Variants in GPC3 observed in about 807,000 individuals in gnomAD.
The protein encoded by GPC3 is glypican 3, also known as glypican-3.
A neutral mutation model predicts 34.4 loss-of-function variants in GPC3; 3 were observed. That is an observed-to-expected ratio of 0.09 (90% CI 0.04 to 0.23). The LOEUF is 0.23. Ranked by LOEUF, GPC3 falls within the 10% of genes least tolerant of loss-of-function variation. GPC3 has a pLI of 1.00. For missense variants in GPC3, 351 were observed against 445.6 expected, an observed-to-expected ratio of 0.79 and a Z score of 1.91; for synonymous variants, 177 against 174.0, an observed-to-expected ratio of 1.02 and a Z score of -0.13.
intron 6 of GPC3, among the ~76,000 whole-genome samples, chrX:133,651,772 T>C (rs1295574071): frequency 2.7e-5 from 3 of 112,093 alleles, no homozygotes; most frequent in Non-Finnish European, 5.6e-5. Flanking sequence ...TGGGCTGATA[T>C]TGATACATTT....
At chrX:133,692,610 T>C in intron 4 of GPC3, 116 bp from the exon 5 acceptor site, 1 of 643,564 alleles carries the variant, frequency 1.6e-6, no homozygotes, top group Non-Finnish European at 2.5e-6. Flanking sequence ...GAGCAATAAA[T>C]GACTTTTAAA....
At chrX:133,730,340 G>T (rs769812779) in intron 3 of GPC3, among the ~76,000 whole-genome samples, 1 of 111,652 alleles carries the variant, frequency 9.0e-6, no homozygotes, top group African/African-American at 3.2e-5. Flanking sequence ...CCTTTAATTG[G>T]CTATAACTGA....
chrX:133,796,198 G>A (rs1300972771), intron 2 of GPC3, among the ~76,000 whole-genome samples: 3 of 111,139 alleles, frequency 2.7e-5, no homozygotes, highest in East Asian at 2.8e-4. Context: ...GCCCGCCTTG[G>A]CCTCCCAAAG....
At chrX:133,781,904 C>T (rs758670542) in intron 2 of GPC3, among the ~76,000 whole-genome samples, 1 of 111,847 alleles carries the variant, frequency 8.9e-6, no homozygotes, top group East Asian at 2.8e-4. Context: ...TCCAATCTCT[C>T]TTATGCCCTC....
chrX:133,688,268 G>T (rs1250328461), intron 5 of GPC3, among the ~76,000 whole-genome samples: 1 of 111,758 alleles, frequency 8.9e-6, no homozygotes, highest in Non-Finnish European at 1.9e-5. Context: ...GGCCCAGTTT[G>T]CTAATTTGAA....
At chrX:133,659,410 T>C (rs1157020765) in intron 6 of GPC3, among the ~76,000 whole-genome samples, 7 of 111,784 alleles carry the variant, frequency 6.3e-5, no homozygotes, top group Non-Finnish European at 1.3e-4. Context: ...CTTCACTCGA[T>C]CTTTCTTATG....
intron 1 of GPC3, among the ~76,000 whole-genome samples, chrX:133,966,684 T>C (rs2076465003): frequency 8.9e-6 from 1 of 112,309 alleles, no homozygotes; most frequent in Admixed American, 9.4e-5. Flanking sequence ...ACACTCACTC[T>C]TGATCCCCGA....
intron 5 of GPC3, among the ~76,000 whole-genome samples, chrX:133,689,189 C>T (rs1220515771): frequency 9.1e-6 from 1 of 110,311 alleles, no homozygotes; most frequent in African/African-American, 3.3e-5. Context: ...CAATAAAAGT[C>T]GTTTTGAAAA....
chrX:133,867,551 C>T (rs759677768), intron 2 of GPC3, among the ~76,000 whole-genome samples: 5 of 108,923 alleles, frequency 4.6e-5, no homozygotes, highest in Admixed American at 9.9e-5. Context: ...AGGCTTCTAT[C>T]TCAAAAATCC....
At chrX:133,739,787 G>A (rs2071547238) in intron 3 of GPC3, among the ~76,000 whole-genome samples, 2 of 112,369 alleles carry the variant, frequency 1.8e-5, no homozygotes, top group African/African-American at 3.2e-5. Flanking sequence ...AAGGGGTGAG[G>A]TGGGAGGATC....
chrX:133,898,766 GT>G (rs2076131367), intron 2 of GPC3, among the ~76,000 whole-genome samples: 1 of 111,933 alleles, frequency 8.9e-6, no homozygotes, highest in Non-Finnish European at 1.9e-5. Flanking sequence ...TTGGGGAGGA[GT>G]TTATGAGAGC....
At chrX:133,638,792 TACACTA>T (rs1209510660) in intron 6 of GPC3, among the ~76,000 whole-genome samples, 2 of 86,682 alleles carry the variant, frequency 2.3e-5, no homozygotes, top group African/African-American at 9.7e-5. Flanking sequence ...ACACATAAAA[TACACTA>T]ACACTAACAA....
chrX:133,668,177 G>A (rs886291603), intron 5 of GPC3, among the ~76,000 whole-genome samples: 3 of 111,064 alleles, frequency 2.7e-5, no homozygotes, highest in African/African-American at 6.5e-5. Context: ...AAAATGCTGG[G>A]ATTATAGGCA....
chrX:133,806,851 C>A (rs865848377), intron 2 of GPC3, among the ~76,000 whole-genome samples: 17 of 109,958 alleles, frequency 1.5e-4, no homozygotes, highest in African/African-American at 5.6e-4. Context: ...GGTTTCACCG[C>A]GTTAGCCAGG....
chrX:133,758,521 G>T (rs944390893), intron 2 of GPC3, among the ~76,000 whole-genome samples: 1 of 110,732 alleles, frequency 9.0e-6, no homozygotes, highest in African/African-American at 3.3e-5. Context: ...GACACATGGG[G>T]GTAAACAACA....
intron 2 of GPC3, among the ~76,000 whole-genome samples, chrX:133,933,837 G>A (rs371805151): frequency 2.8e-5 from 3 of 108,841 alleles, no homozygotes; most frequent in African/African-American, 6.7e-5. Context: ...CATAACTGTG[G>A]GCCAATTAAA....
intron 7 of GPC3, among the ~76,000 whole-genome samples, chrX:133,547,190 A>C (rs181614274): frequency 4.5e-5 from 5 of 111,852 alleles, no homozygotes; most frequent in Non-Finnish European, 3.8e-5. Context: ...ATGAAGGAGA[A>C]AAAAAGAATA....
chrX:133,556,335 G>A (rs2069489082), intron 7 of GPC3, among the ~76,000 whole-genome samples: 1 of 110,740 alleles, frequency 9.0e-6, no homozygotes, highest in African/African-American at 3.3e-5. Flanking sequence ...GTAATTACTG[G>A]ATTTTCCATG....
intron 6 of GPC3, among the ~76,000 whole-genome samples, chrX:133,605,778 C>T (rs2070043536): frequency 9.0e-6 from 1 of 111,560 alleles, no homozygotes; most frequent in Non-Finnish European, 1.9e-5. Flanking sequence ...TACTCCATGG[C>T]CACACACTGA....
Sources: allele counts gnomAD v4.1 joint callset (sites outside exome capture counted in the v4.1 genomes callset), GRCh38; gene constraint gnomAD v4.1.1; transcripts MANE v1.5; gene names NCBI Gene and HGNC (gene_info 2026-07-23, HGNC 2026-07-21).